TBX15: variants seen among roughly 807,000 people sequenced by gnomAD.
TBX15 encodes the protein T-box transcription factor 15, also known as T-box transcription factor TBX15.
A neutral mutation model predicts 53.9 loss-of-function variants in TBX15; 18 were observed. The observed-to-expected ratio is 0.33, with a 90% confidence interval of 0.23 to 0.49. TBX15 has a LOEUF of 0.49. Among genes scored for constraint, TBX15 ranks in the 20% least tolerant of loss-of-function variants. TBX15 has a pLI of 0.98. For synonymous variants in TBX15, 295 were observed against 278.0 expected (o/e 1.06, Z -0.61); for missense variants, 692 against 749.5 (o/e 0.92, Z 0.90).
intron 6 of TBX15, among the ~76,000 whole-genome samples, chr1:118,909,344 C>T (rs1320258310): frequency 7.0e-6 from 1 of 143,394 alleles, no homozygotes; most frequent in Non-Finnish European, 1.6e-5. Context: ...TAAGCTGATG[C>T]CCCAGAAATG....
At chr1:118,954,700 A>T (rs1656620551) in intron 1 of TBX15, among the ~76,000 whole-genome samples, 1 of 152,248 alleles carries the variant, frequency 6.6e-6, no homozygotes, top group South Asian at 2.1e-4. Context: ...AAATTAAGGC[A>T]AGAATGGCCT....
At chr1:118,929,431 A>G (rs550035579) in intron 2 of TBX15, among the ~76,000 whole-genome samples, 1 of 152,252 alleles carries the variant, frequency 6.6e-6, no homozygotes, top group Non-Finnish European at 1.5e-5. Flanking sequence ...GAAGGAATGA[A>G]GAAAATTCAC....
At chr1:118,986,734 A>C (rs925999058) in intron 1 of TBX15, among the ~76,000 whole-genome samples, 1 of 152,170 alleles carries the variant, frequency 6.6e-6, no homozygotes, top group African/African-American at 2.4e-5. Flanking sequence ...AAGCTTCTGA[A>C]ACCGCTAAAC....
At chr1:118,892,340 C>T (rs1292842098) in intron 7 of TBX15, among the ~76,000 whole-genome samples, 2 of 152,084 alleles carry the variant, frequency 1.3e-5, no homozygotes, top group Non-Finnish European at 2.9e-5. Context: ...AGATAATGTA[C>T]AGAATAGAAA....
rs1486245351 is a variant in TBX15 at position 118,926,503 on chromosome 1, T to C, written c.521+7A>G. On this transcript the variant is annotated splice_region_variant and intron_variant, in intron 3 of 7. Coordinates refer to ENST00000369429, the MANE Select transcript of TBX15 (RefSeq NM_001330677.2). Reference sequence around the variant, plus strand: ...CCCACATTTCCACATCCCAGAGTTATTGTTACCTGTATCTTTTATTGTCCA... The same window carrying C: ...CCCACATTTCCACATCCCAGAGTTACTGTTACCTGTATCTTTTATTGTCCA... 2 of 1,610,958 alleles carry C rather than the reference T, an allele frequency of 1.2e-6. No homozygotes were observed. Among genetic ancestry groups the C allele is most frequent in the East Asian group, 2.2e-5 (1 of 44,830 alleles).
rs1314243765 is a variant in TBX15, at chr1:118,931,786, C to G, written c.252G>C (p.Arg84=). ...TGSDSEVLTE[R]TSCSFSTHTD... is the part of the protein sequence containing the mutation. ...TGTGAGTACTGAAGGAGCAGGAAGT[C>G]CGCTCAGTGAGGACCTCAGAATCTG... The change falls in exon 2 of 8, where the codon CGG becomes CGC. Residue 84 remains arginine, a synonymous_variant. Coordinates refer to ENST00000369429, the MANE Select transcript of TBX15 (RefSeq NM_001330677.2). The G allele has an allele frequency of 6.2e-7, 1 of 1,605,434 alleles. No homozygotes were observed. The highest frequency in any genetic ancestry group is 1.7e-5 in the Admixed American group (1 of 58,604).
At chr1:118,979,617 G>A (rs536756242) in intron 1 of TBX15, among the ~76,000 whole-genome samples, 1 of 152,248 alleles carries the variant, frequency 6.6e-6, no homozygotes, top group Admixed American at 6.5e-5. Context: ...TGTCGTTGGC[G>A]GGTTCCTGAT....
At chr1:118,918,876 G>A (rs1334505615) in intron 5 of TBX15, among the ~76,000 whole-genome samples, 1 of 152,124 alleles carries the variant, frequency 6.6e-6, no homozygotes, top group Non-Finnish European at 1.5e-5. Context: ...AAGGCTGAAG[G>A]GGCCTTCTCT....
intron 7 of TBX15, 55 bp from the exon 8 acceptor site, chr1:118,885,571 C>T (rs1653912486): frequency 1.3e-6 from 2 of 1,546,666 alleles, no homozygotes; most frequent in Admixed American, 2.0e-5. Flanking sequence ...ATGAGTCTGC[C>T]TAAGTCACAT....
chr1:118,923,474 T>C lies in TBX15; in HGVS notation c.823A>G (p.Thr275Ala). Residue 275 changes from threonine (T) to alanine (A), a missense_variant, in exon 5 of 8, where the codon ACT becomes GCT. Transcript: ENST00000369429. ...TAGGCCGTAACTGTGGTGAACACAGTCTCAGGAAAGTTGAACGTTTTCACC... is the reference window on the plus strand; with the variant it reads ...TAGGCCGTAACTGTGGTGAACACAGCCTCAGGAAAGTTGAACGTTTTCACC... Reference protein sequence around the residue: ...DGVKTFNFPETVFTTVTAYQN... With the variant: ...DGVKTFNFPEAVFTTVTAYQN... 6.2e-7 allele frequency: 1 copy of C among 1,613,938 alleles called. No homozygotes were observed.
intron 7 of TBX15, among the ~76,000 whole-genome samples, chr1:118,897,314 C>G (rs1015591105): frequency 7.9e-5 from 12 of 152,164 alleles, no homozygotes; most frequent in Non-Finnish European, 1.0e-4. Flanking sequence ...ATCCCATTCA[C>G]TATTCATTGG....
chr1:118,926,675 C>A, intron 2 of TBX15, 64 bp from the exon 3 acceptor site: 3 of 1,381,478 alleles, frequency 2.2e-6, no homozygotes, highest in Non-Finnish European at 3.1e-6. Context: ...GGGGTAAAAG[C>A]TTAAACAATG....
chr1:118,970,996 T>A (rs1657219680), intron 1 of TBX15, among the ~76,000 whole-genome samples: 1 of 152,194 alleles, frequency 6.6e-6, no homozygotes, highest in Non-Finnish European at 1.5e-5. Context: ...CTTAGAAACT[T>A]TTTTGCACTT....
At chr1:118,953,156 C>T (rs1029793169) in intron 1 of TBX15, among the ~76,000 whole-genome samples, 2 of 151,716 alleles carry the variant, frequency 1.3e-5, no homozygotes, top group African/African-American at 4.8e-5. Flanking sequence ...TTAATTAAGG[C>T]CACTGGTATT....
chr1:118,907,239 G>C (rs1002983394), intron 6 of TBX15, among the ~76,000 whole-genome samples: 2 of 152,142 alleles, frequency 1.3e-5, no homozygotes, highest in Non-Finnish European at 2.9e-5. Flanking sequence ...TGCAATGGAG[G>C]CTAGGAGTAA....
intron 6 of TBX15, among the ~76,000 whole-genome samples, chr1:118,904,620 A>G (rs1222454966): frequency 6.6e-6 from 1 of 152,180 alleles, no homozygotes; most frequent in African/African-American, 2.4e-5. Context: ...GTGATTCCCA[A>G]CTTAAGAACC....
At chr1:118,968,271 G>A (rs1387533886) in intron 1 of TBX15, among the ~76,000 whole-genome samples, 1 of 152,110 alleles carries the variant, frequency 6.6e-6, no homozygotes, top group Admixed American at 6.5e-5. Context: ...CTGGAGTGCA[G>A]TGGCGTGATC....
intron 1 of TBX15, among the ~76,000 whole-genome samples, chr1:118,977,627 C>A (rs1657479493): frequency 6.6e-6 from 1 of 152,152 alleles, no homozygotes; most frequent in Admixed American, 6.5e-5. Flanking sequence ...AACCCACCTG[C>A]AGAACTCTGT....
chr1:118,899,056 T>C lies in TBX15; in HGVS notation c.996A>G (p.Glu332=). The change falls in exon 7 of 8, where the codon GAA becomes GAG. Residue 332 remains glutamate (E), a synonymous_variant. Coordinates refer to ENST00000369429, the MANE Select transcript of TBX15 (RefSeq NM_001330677.2). ...GCTGCTTCTGCATGGTGGTGAAGTC[T>C]TCGAAGGTGAGTGTGCGCACAGGAG... The part of the protein sequence containing the change: ...WRPPVRTLTF[E]DFTTMQKQQG... 6.2e-7 allele frequency: 1 copy of C among 1,613,634 alleles called. No homozygotes were observed. Among genetic ancestry groups the C allele is most frequent in the Non-Finnish European group, 8.5e-7 (1 of 1,179,718 alleles).
Sources: allele counts gnomAD v4.1 joint callset (sites outside exome capture counted in the v4.1 genomes callset), GRCh38; gene constraint gnomAD v4.1.1; transcripts MANE v1.5; gene names NCBI Gene and HGNC (gene_info 2026-07-23, HGNC 2026-07-21).